SRGAP1: variants seen among roughly 807,000 people sequenced by gnomAD.
SRGAP1 encodes SLIT-ROBO Rho GTPase-activating protein 1.
SRGAP1 carries 43 observed loss-of-function variants against 121.9 expected under a neutral mutation model. That is an observed-to-expected ratio of 0.35 (90% CI 0.28 to 0.46). The LOEUF (loss-of-function observed/expected upper bound fraction) is 0.46, where lower values mean the gene tolerates loss of function less well. SRGAP1 is among the 20% of genes least tolerant of loss of function. The pLI, the probability that SRGAP1 is intolerant of heterozygous loss-of-function variation, is 1.00. For missense variants in SRGAP1, 1,102 were observed against 1,350.9 expected (o/e 0.82, Z 2.89); for synonymous variants, 447 against 485.4 (o/e 0.92, Z 1.04).
At chr12:64,128,666 G>A (rs1004435450) in intron 21 of SRGAP1, among the ~76,000 whole-genome samples, 1 of 152,160 alleles carries the variant, frequency 6.6e-6, no homozygotes, top group Non-Finnish European at 1.5e-5. Flanking sequence ...GATGCCTGAA[G>A]CCACAGATAG....
At chr12:64,019,503 G>C (rs1194496331) in intron 4 of SRGAP1, among the ~76,000 whole-genome samples, 1 of 152,126 alleles carries the variant, frequency 6.6e-6, no homozygotes, top group Non-Finnish European at 1.5e-5. Context: ...TTTAATCAGA[G>C]AGCATGCTCA....
At chr12:64,051,323 A>G (rs904426618) in intron 6 of SRGAP1, among the ~76,000 whole-genome samples, 2 of 152,168 alleles carry the variant, frequency 1.3e-5, no homozygotes, top group African/African-American at 4.8e-5. Flanking sequence ...CCTACATTTT[A>G]TAGTTAAGTC....
chr12:63,978,084 A>C (rs902035710), intron 1 of SRGAP1, among the ~76,000 whole-genome samples: 1 of 152,238 alleles, frequency 6.6e-6, no homozygotes. Context: ...TTTGACAAAA[A>C]GTACCAAAAA....
chr12:64,001,420 CAT>C (rs2033893225), intron 3 of SRGAP1, among the ~76,000 whole-genome samples: 2 of 152,178 alleles, frequency 1.3e-5, no homozygotes, highest in African/African-American at 4.8e-5. Flanking sequence ...TGGGCTTGGC[CAT>C]ATGACTTGCT....
At chr12:63,980,080 T>TC (rs1352015846) in intron 1 of SRGAP1, among the ~76,000 whole-genome samples, 2 of 152,190 alleles carry the variant, frequency 1.3e-5, no homozygotes, top group African/African-American at 4.8e-5. Flanking sequence ...AGACAGGGTG[T>TC]CACTCTGTTG....
At chr12:63,862,438 A>T (rs1010640670) in intron 1 of SRGAP1, among the ~76,000 whole-genome samples, 1 of 151,706 alleles carries the variant, frequency 6.6e-6, no homozygotes, top group Admixed American at 6.6e-5. Context: ...GTCATTTCTG[A>T]CTCCCTTCTC....
chr12:63,847,528 C>T (rs560672448), intron 1 of SRGAP1, among the ~76,000 whole-genome samples: 12 of 151,826 alleles, frequency 7.9e-5, no homozygotes, highest in African/African-American at 2.9e-4. Flanking sequence ...CCGAGGTGGG[C>T]GGATCACTTG....
At chr12:63,995,244 C>T (rs1002791763) in intron 3 of SRGAP1, among the ~76,000 whole-genome samples, 2 of 152,120 alleles carry the variant, frequency 1.3e-5, no homozygotes, top group Admixed American at 6.6e-5. Flanking sequence ...TGTTTCTTCA[C>T]CAATAATGAT....
At chr12:64,015,237 T>G (rs368510549) in intron 3 of SRGAP1, among the ~76,000 whole-genome samples, 1 of 152,162 alleles carries the variant, frequency 6.6e-6, no homozygotes, top group East Asian at 1.9e-4. Flanking sequence ...AAATCTGATA[T>G]TAAAATAACA....
At chr12:64,043,681 TA>T (rs1454854596) in intron 6 of SRGAP1, 106 bp downstream of exon 6, 6 of 847,776 alleles carry the variant, frequency 7.1e-6, no homozygotes, top group Non-Finnish European at 1.0e-5. Context: ...TTATTTTACG[TA>T]ATACTCAAAA....
chr12:63,932,359 A>G (rs1014759975), intron 1 of SRGAP1, among the ~76,000 whole-genome samples: 1 of 152,224 alleles, frequency 6.6e-6, no homozygotes, highest in Non-Finnish European at 1.5e-5. Context: ...TAATCTAACC[A>G]TACAGAATTT....
intron 1 of SRGAP1, among the ~76,000 whole-genome samples, chr12:63,855,035 C>G (rs983231239): frequency 3.9e-5 from 6 of 152,104 alleles, no homozygotes; most frequent in African/African-American, 1.4e-4. Flanking sequence ...ATAAAGAGAA[C>G]CCCCCAAACA....
At chr12:63,965,500 A>G (rs1327916458) in intron 1 of SRGAP1, among the ~76,000 whole-genome samples, 2 of 152,006 alleles carry the variant, frequency 1.3e-5, no homozygotes, top group East Asian at 3.9e-4. Context: ...TTAAAACATC[A>G]TTTACATTAA....
At chr12:63,948,894 ATTCCATATATATATT>A (rs2032150244) in intron 1 of SRGAP1, among the ~76,000 whole-genome samples, 6 of 85,016 alleles carry the variant, frequency 7.1e-5, no homozygotes, top group Non-Finnish European at 1.0e-4. Flanking sequence ...ATATATATAT[ATTCCATATATATATT>A]TTCCATATAT....
Position 64,046,855 on chromosome 12 carries a change from A to T in SRGAP1, c.801+3280A>T, listed in dbSNP as rs191824507. Among the ~76,000 whole-genome samples the T allele has an allele frequency of 3.4e-3, 511 of 152,262 alleles. 12 individuals are homozygous for T. Among genetic ancestry groups the T allele is most frequent in the Non-Finnish European group, 1.6e-3 (109 of 68,012 alleles). On this transcript the variant is annotated intron_variant, in intron 6 of 21. Coordinates refer to ENST00000355086, the MANE Select transcript of SRGAP1 (RefSeq NM_020762.4). ...GAGTGCCTACCATGTAACAGGCAGC[A>T]TAATCTCATTGAATCATCACAACAC...
chr12:63,947,413 T>C (rs2032085110), intron 1 of SRGAP1, among the ~76,000 whole-genome samples: 1 of 152,230 alleles, frequency 6.6e-6, no homozygotes, highest in South Asian at 2.1e-4. Flanking sequence ...TATGTTTTCT[T>C]CTAAAAGTTT....
intron 17 of SRGAP1, among the ~76,000 whole-genome samples, chr12:64,114,510 C>T (rs1221553785): frequency 1.3e-5 from 2 of 151,994 alleles, no homozygotes; most frequent in Non-Finnish European, 2.9e-5. Context: ...ACCACCATAC[C>T]CAGCTAATTT....
At chr12:63,956,720 C>CTTTTTTTTT (rs3067620) in intron 1 of SRGAP1, among the ~76,000 whole-genome samples, 4 of 96,978 alleles carry the variant, frequency 4.1e-5, no homozygotes, top group African/African-American at 8.3e-5. Context: ...GTAAGCAAGG[C>CTTTTTTTTT]TTTTTTTTTT....
At chr12:63,845,233 A>G (rs1898864599) in intron 1 of SRGAP1, among the ~76,000 whole-genome samples, 1 of 152,170 alleles carries the variant, frequency 6.6e-6, no homozygotes, top group Admixed American at 6.5e-5. Context: ...CACCATCATT[A>G]TTCTTTTTAA....
Sources: gnomAD v4.1 joint callset for allele counts (sites outside exome capture counted in the v4.1 genomes callset) on GRCh38, gnomAD v4.1.1 for gene constraint, MANE v1.5 for transcripts, NCBI Gene and HGNC (gene_info 2026-07-23, HGNC 2026-07-21) for gene names.